Variants in LRBA observed in about 807,000 individuals in gnomAD.
LRBA encodes lipopolysaccharide-responsive and beige-like anchor protein.
LRBA carries 176 observed loss-of-function variants against 330.0 expected under a neutral mutation model. The observed-to-expected ratio is 0.53, with a 90% CI of 0.47 to 0.60. The LOEUF (loss-of-function observed/expected upper bound fraction) is 0.60. Among genes scored for constraint, LRBA ranks in the 20% least tolerant of loss-of-function variants. The pLI, the probability that LRBA is intolerant of heterozygous loss-of-function variation, is 0.00. For synonymous variants in LRBA, 1,230 were observed against 1,193.0 expected, an observed-to-expected ratio of 1.03 and a Z score of -0.64; for missense variants, 3,259 against 3,444.8, an observed-to-expected ratio of 0.95 and a Z score of 1.35.
At position 150,408,051 on chromosome 4, in the gene LRBA, G is replaced by A. The variant is rs938701697; in HGVS notation, c.7194+7387C>T. 2.0e-5 allele frequency among the ~76,000 whole-genome samples: 3 copies of A among 151,844 alleles called. No individual in the cohort carries two copies. In the South Asian group the frequency reaches 6.2e-4, roughly 32 times the overall value. On this transcript the variant is annotated intron_variant, in intron 47 of 56. Transcript: ENST00000651943. ...AAGGAAAGAAAGAATGAATATTAGA[G>A]CGAAAACTCAACGAAAGAGAACACA... is the stretch of plus-strand genomic sequence containing the variant.
intron 2 of LRBA, among the ~76,000 whole-genome samples, chr4:150,933,939 G>C (rs1002858902): frequency 2.5e-4 from 38 of 151,814 alleles, no homozygotes; most frequent in Non-Finnish European, 3.4e-4. Context: ...TGGGAGAATG[G>C]CTTGAGTCCG....
chr4:150,282,695 C>G (rs1313499154), intron 54 of LRBA, 49 bp from the exon 55 acceptor site: 8 of 1,257,660 alleles, frequency 6.4e-6, no homozygotes, highest in Non-Finnish European at 9.1e-6. Flanking sequence ...TGAAAACAGA[C>G]AATATGATCT....
chr4:150,788,295 C>T (rs1041570222), intron 34 of LRBA, among the ~76,000 whole-genome samples: 16 of 134,436 alleles, frequency 1.2e-4, no homozygotes, highest in African/African-American at 4.4e-4. Context: ...GATAGGGTTT[C>T]GCCATGTTAG....
chr4:150,504,997 A>C (rs1430464735), intron 40 of LRBA, among the ~76,000 whole-genome samples: 1 of 152,246 alleles, frequency 6.6e-6, no homozygotes, highest in Non-Finnish European at 1.5e-5. Context: ...ACATAATGGT[A>C]AAGGGATCAA....
At chr4:150,533,356 A>G (rs1764253949) in intron 40 of LRBA, among the ~76,000 whole-genome samples, 1 of 151,832 alleles carries the variant, frequency 6.6e-6, no homozygotes, top group African/African-American at 2.4e-5. Context: ...AATTTTTTTT[A>G]AGAGACAGGG....
intron 36 of LRBA, among the ~76,000 whole-genome samples, chr4:150,711,158 C>T (rs1786157597): frequency 6.6e-6 from 1 of 151,934 alleles, no homozygotes; most frequent in African/African-American, 2.4e-5. Context: ...CAGAGAGACC[C>T]TTTTGTGGTT....
intron 37 of LRBA, among the ~76,000 whole-genome samples, chr4:150,656,661 T>C (rs1396633954): frequency 1.3e-5 from 2 of 152,210 alleles, no homozygotes; most frequent in Non-Finnish European, 2.9e-5. Context: ...GAAGTAGTCA[T>C]TCAGACAACT....
At chr4:150,296,626 T>C (rs538834063) in intron 53 of LRBA, among the ~76,000 whole-genome samples, 21 of 152,126 alleles carry the variant, frequency 1.4e-4, no homozygotes, top group Admixed American at 6.5e-4. Flanking sequence ...CACATAAAAA[T>C]TGAGGTAACT....
chr4:150,692,129 T>A (rs1784194996), intron 36 of LRBA, among the ~76,000 whole-genome samples: 1 of 152,204 alleles, frequency 6.6e-6, no homozygotes, highest in African/African-American at 2.4e-5. Flanking sequence ...TATACACCTT[T>A]ATCAAAACTC....
chr4:150,425,541 TG>T (rs1443920549), intron 46 of LRBA, among the ~76,000 whole-genome samples: 1 of 152,198 alleles, frequency 6.6e-6, no homozygotes, highest in African/African-American at 2.4e-5. Context: ...AAGGCTTTCA[TG>T]GCATAATGAC....
intron 46 of LRBA, among the ~76,000 whole-genome samples, chr4:150,434,496 T>A (rs1750837403): frequency 6.6e-6 from 1 of 152,156 alleles, no homozygotes; most frequent in Non-Finnish European, 1.5e-5. Flanking sequence ...ACATAGGATA[T>A]CTAAATATCT....
intron 44 of LRBA, among the ~76,000 whole-genome samples, chr4:150,464,796 T>A (rs559359696): frequency 6.6e-6 from 1 of 152,130 alleles, no homozygotes; most frequent in Non-Finnish European, 1.5e-5. Context: ...TTAGGGCATA[T>A]TCTCAAAGTG....
intron 2 of LRBA, among the ~76,000 whole-genome samples, chr4:150,983,946 A>C (rs1032746940): frequency 6.6e-6 from 1 of 152,142 alleles, no homozygotes; most frequent in Non-Finnish European, 1.5e-5. Context: ...TCATTTATTT[A>C]ACAAATATTT....
At chr4:150,824,211 T>C (rs1745896935) in intron 30 of LRBA, among the ~76,000 whole-genome samples, 1 of 152,170 alleles carries the variant, frequency 6.6e-6, no homozygotes, top group African/African-American at 2.4e-5. Flanking sequence ...TCTTGATCTC[T>C]TTTTCAGATT....
At position 150,471,742 on chromosome 4, in the gene LRBA, G is replaced by A. The variant is rs776652920; in HGVS notation, c.6552-3C>T. The A allele has an allele frequency of 1.5e-6, 2 of 1,329,916 alleles. No homozygotes were observed. Among genetic ancestry groups the A allele is most frequent in the East Asian group, 2.3e-5 (1 of 42,918 alleles). 82.4% of individuals were successfully genotyped at this position (1,329,916 alleles called of 1,614,324 possible). A position where few individuals can be genotyped will look rare whatever the true frequency, so the allele number is the denominator to read the frequency against. ...GTGGACTAGCTAATGAAATACGTCT[G>A]CAAGAAAAAGAATTCAATGTGATAT... On this transcript the variant is annotated splice_region_variant and splice_polypyrimidine_tract_variant and intron_variant, in intron 42 of 56. Coordinates refer to ENST00000651943, the MANE Select transcript of LRBA (RefSeq NM_001364905.1).
chr4:150,865,280 G>C (rs1752523551), intron 22 of LRBA, among the ~76,000 whole-genome samples: 1 of 152,196 alleles, frequency 6.6e-6, no homozygotes, highest in African/African-American at 2.4e-5. Context: ...TAAAGTTACA[G>C]AAAGGATGGC....
chr4:150,531,651 T>C (rs1051942496), intron 40 of LRBA, among the ~76,000 whole-genome samples: 1 of 152,182 alleles, frequency 6.6e-6, no homozygotes, highest in Non-Finnish European at 1.5e-5. Flanking sequence ...AATGAGTGGA[T>C]AGGCACAATA....
intron 9 of LRBA, among the ~76,000 whole-genome samples, chr4:150,910,726 G>C (rs1012862855): frequency 6.6e-6 from 1 of 152,082 alleles, no homozygotes; most frequent in Non-Finnish European, 1.5e-5. Flanking sequence ...ATTTTGATAA[G>C]AACTGTACTG....
rs569441607 is a variant in LRBA at position 150,321,398 on chromosome 4, T to C, written c.7453-30A>G. 2.0e-6 allele frequency: 3 copies of C among 1,521,206 alleles called. No homozygotes were observed. The highest frequency in any genetic ancestry group is 2.6e-6 in the Non-Finnish European group (3 of 1,140,946). 94.2% of individuals were successfully genotyped at this position (1,521,206 alleles called of 1,614,324 possible). ...AGGAGGAGATACTGTTGAGTGGGCA[T>C]GACAAGACCCAAATAGACAAGAAGG... On this transcript the variant is annotated intron_variant, in intron 49 of 56. Coordinates refer to ENST00000651943, the MANE Select transcript of LRBA (RefSeq NM_001364905.1). This position sits in a 1 kb window ranked among gnomAD's most constrained non-coding sequence, Gnocchi z 4.5.
Sources: allele counts gnomAD v4.1 joint callset (sites outside exome capture counted in the v4.1 genomes callset), GRCh38; gene constraint gnomAD v4.1.1; non-coding constraint Gnocchi (gnomAD v3.1); transcripts MANE v1.5; gene names NCBI Gene and HGNC (gene_info 2026-07-23, HGNC 2026-07-21).